Variants in RIMS2 observed in about 807,000 individuals in gnomAD.
RIMS2 encodes regulating synaptic membrane exocytosis 2, also known as regulating synaptic membrane exocytosis protein 2.
A neutral mutation model predicts 174.4 loss-of-function variants in RIMS2; 59 were observed. The observed-to-expected ratio is 0.34, with a 90% CI of 0.27 to 0.42. The LOEUF (loss-of-function observed/expected upper bound fraction) is 0.42, where lower values mean the gene tolerates loss of function less well. RIMS2 is among the 10% of genes least tolerant of loss of function. The pLI is 1.00. For synonymous variants in RIMS2, 606 were observed against 572.5 expected, an observed-to-expected ratio of 1.06 and a Z score of -0.84; for missense variants, 1,620 against 1,666.3, an observed-to-expected ratio of 0.97 and a Z score of 0.48.
chr8:103,742,558 C>T (rs34313261), intron 2 of RIMS2, among the ~76,000 whole-genome samples: 3,473 of 152,182 alleles, frequency 0.023, 55 homozygotes, highest in South Asian at 0.067. Flanking sequence ...TTGTAGCAGA[C>T]GCAATAACCC....
chr8:103,709,262 C>T (rs111540025), intron 2 of RIMS2, among the ~76,000 whole-genome samples: 1,543 of 150,500 alleles, frequency 0.01, 30 homozygotes, highest in African/African-American at 0.036. Flanking sequence ...ATTATTGTTT[C>T]GATATTCTCT....
intron 1 of RIMS2, among the ~76,000 whole-genome samples, chr8:103,607,348 G>T (rs2095153957): frequency 1.3e-5 from 2 of 151,998 alleles, no homozygotes; most frequent in Admixed American, 1.3e-4. Flanking sequence ...CTTCTGGCTT[G>T]TAGGGTTTCT....
At chr8:103,783,458 C>T (rs1173440984) in intron 3 of RIMS2, among the ~76,000 whole-genome samples, 4 of 145,760 alleles carry the variant, frequency 2.7e-5, no homozygotes, top group Non-Finnish European at 6.0e-5. Context: ...GTGTGATATT[C>T]CCCTTCATGT....
chr8:103,850,307 CATT>C (rs1310946366), intron 3 of RIMS2, among the ~76,000 whole-genome samples: 1 of 151,840 alleles, frequency 6.6e-6, no homozygotes, highest in Non-Finnish European at 1.5e-5. Flanking sequence ...TTGAAGAAAA[CATT>C]ATTCTTATGC....
At chr8:104,003,682 G>T (rs1181269331) in intron 17 of RIMS2, among the ~76,000 whole-genome samples, 4 of 152,080 alleles carry the variant, frequency 2.6e-5, no homozygotes, top group African/African-American at 9.7e-5. Flanking sequence ...CCAAAGCACT[G>T]GGATTATAGG....
intron 4 of RIMS2, among the ~76,000 whole-genome samples, chr8:103,897,174 T>C (rs1230121511): frequency 6.6e-6 from 1 of 151,806 alleles, no homozygotes; most frequent in Non-Finnish European, 1.5e-5. Flanking sequence ...GCCAAGCCAT[T>C]TGCCCTGCCT....
chr8:103,561,999 A>C (rs1199464452), intron 1 of RIMS2, among the ~76,000 whole-genome samples: 2 of 152,356 alleles, frequency 1.3e-5, no homozygotes, highest in African/African-American at 4.8e-5. Context: ...CTTATTCACT[A>C]TCATGAGAAC....
At chr8:104,057,092 G>A (rs2096883203) in intron 19 of RIMS2, among the ~76,000 whole-genome samples, 1 of 143,774 alleles carries the variant, frequency 7.0e-6, no homozygotes, top group Non-Finnish European at 1.5e-5. Flanking sequence ...TTTGAGACAA[G>A]GTCTCACTCT....
At chr8:103,578,650 G>A (rs558436160) in intron 1 of RIMS2, among the ~76,000 whole-genome samples, 25 of 152,144 alleles carry the variant, frequency 1.6e-4, no homozygotes, top group Non-Finnish European at 3.4e-4. Context: ...CATTCCAGGA[G>A]GGGAGTGGGG....
At chr8:103,761,650 T>A in intron 2 of RIMS2, among the ~76,000 whole-genome samples, 1 of 152,224 alleles carries the variant, frequency 6.6e-6, no homozygotes, top group East Asian at 1.9e-4. Flanking sequence ...CAAGATAACA[T>A]GGAAAATGTA....
intron 1 of RIMS2, among the ~76,000 whole-genome samples, chr8:103,510,804 A>C (rs1826089323): frequency 6.6e-6 from 1 of 152,164 alleles, no homozygotes; most frequent in East Asian, 1.9e-4. Flanking sequence ...TATTTTAATC[A>C]TATCTGTAGA....
At chr8:103,608,766 C>A (rs992928835) in intron 1 of RIMS2, among the ~76,000 whole-genome samples, 3 of 150,814 alleles carry the variant, frequency 2.0e-5, no homozygotes, top group South Asian at 2.1e-4. Flanking sequence ...AGGTGCCGTC[C>A]GTCACCCCTT....
At chr8:103,617,732 C>T (rs948696858) in intron 1 of RIMS2, among the ~76,000 whole-genome samples, 10 of 152,014 alleles carry the variant, frequency 6.6e-5, no homozygotes, top group South Asian at 2.1e-4. Context: ...GATGTATATG[C>T]GGTCAACAGG....
intron 1 of RIMS2, among the ~76,000 whole-genome samples, chr8:103,560,152 G>A (rs1004886070): frequency 2.0e-5 from 3 of 152,170 alleles, no homozygotes; most frequent in African/African-American, 4.8e-5. Context: ...TCTTCTCACA[G>A]GACATGAAGA....
chr8:103,641,272 T>G (rs528024960), intron 1 of RIMS2, among the ~76,000 whole-genome samples: 2 of 152,258 alleles, frequency 1.3e-5, no homozygotes, highest in African/African-American at 4.8e-5. Flanking sequence ...TATACAAATT[T>G]TAGAGGTGTA....
chr8:104,076,751 G>C (rs112130114), intron 19 of RIMS2, among the ~76,000 whole-genome samples: 16 of 151,560 alleles, frequency 1.1e-4, no homozygotes, highest in African/African-American at 3.9e-4. Flanking sequence ...TAACATTCTT[G>C]TGCCTCAGTT....
At chr8:103,512,946 A>AT (rs1019625761) in intron 1 of RIMS2, among the ~76,000 whole-genome samples, 1 of 151,822 alleles carries the variant, frequency 6.6e-6, no homozygotes, top group South Asian at 2.1e-4. Context: ...TCAGCAGGAA[A>AT]TTTTTTTTTG....
At chr8:103,634,402 G>A (rs937981995) in intron 1 of RIMS2, among the ~76,000 whole-genome samples, 2 of 152,222 alleles carry the variant, frequency 1.3e-5, no homozygotes, top group Middle Eastern at 3.4e-3. Flanking sequence ...TGTGATTTCA[G>A]TTCTTTTACA....
At chr8:104,244,673 A>C (rs369199629) in intron 19 of RIMS2, among the ~76,000 whole-genome samples, 1 of 152,166 alleles carries the variant, frequency 6.6e-6, no homozygotes, top group South Asian at 2.1e-4. Context: ...CAATTTGCAC[A>C]CTGTTTTAAA....
Sources: gnomAD v4.1 joint callset for allele counts (sites outside exome capture counted in the v4.1 genomes callset) on GRCh38, gnomAD v4.1.1 for gene constraint, MANE v1.5 for transcripts, NCBI Gene and HGNC (gene_info 2026-07-23, HGNC 2026-07-21) for gene names.